CSMD3: variants seen among roughly 807,000 people sequenced by gnomAD.
The protein encoded by CSMD3 is CUB and Sushi multiple domains 3.
In CSMD3, 177 loss-of-function variants were observed where a neutral mutation model predicts 435.2. The ratio of observed to expected loss-of-function variants is 0.41; its 90% CI spans 0.36 to 0.46. The LOEUF is 0.46. CSMD3 is among the 20% of genes least tolerant of loss of function. CSMD3 has a pLI of 0.34. For synonymous variants in CSMD3, 1,656 were observed against 1,520.5 expected, an observed-to-expected ratio of 1.09 and a Z score of -2.07; for missense variants, 4,265 against 4,504.6, an observed-to-expected ratio of 0.95 and a Z score of 1.52.
At chr8:113,191,048 T>C (rs1158935319) in intron 3 of CSMD3, among the ~76,000 whole-genome samples, 1 of 151,832 alleles carries the variant, frequency 6.6e-6, no homozygotes, top group African/African-American at 2.4e-5. Context: ...TAGAAAGTGT[T>C]CTTGATATTA....
intron 9 of CSMD3, among the ~76,000 whole-genome samples, chr8:112,932,896 C>A (rs547719754): frequency 1.2e-4 from 19 of 152,190 alleles, no homozygotes; most frequent in African/African-American, 4.3e-4. Context: ...ATCCAAAATA[C>A]CCTGATTTGA....
chr8:113,276,704 T>G (rs945863440), intron 3 of CSMD3, among the ~76,000 whole-genome samples: 4 of 152,010 alleles, frequency 2.6e-5, no homozygotes, highest in Non-Finnish European at 5.9e-5. Flanking sequence ...ACTGAGATAG[T>G]TTTTTAAGAT....
At chr8:112,295,729 T>C in intron 54 of CSMD3, 104 bp downstream of exon 54, 6 of 962,150 alleles carry the variant, frequency 6.2e-6, no homozygotes, top group African/African-American at 1.6e-5. Flanking sequence ...TTACTTTATA[T>C]TGATATATAT....
chr8:113,352,136 C>A (rs555305864), intron 1 of CSMD3, among the ~76,000 whole-genome samples: 2 of 152,138 alleles, frequency 1.3e-5, no homozygotes, highest in African/African-American at 4.8e-5. Context: ...ATTCTGAGAT[C>A]TACTTAGAAC....
chr8:112,957,831 C>T (rs548647926), intron 7 of CSMD3, among the ~76,000 whole-genome samples: 3 of 152,252 alleles, frequency 2.0e-5, no homozygotes, highest in Non-Finnish European at 2.9e-5. Flanking sequence ...CTGCAACCTC[C>T]GCCTCCCAGG....
chr8:113,075,675 T>G (rs1422623021), intron 5 of CSMD3, among the ~76,000 whole-genome samples: 1 of 151,860 alleles, frequency 6.6e-6, no homozygotes, highest in African/African-American at 2.4e-5. Flanking sequence ...TGATGAAATA[T>G]GCCTATATTA....
At chr8:112,478,456 T>C (rs997126040) in intron 31 of CSMD3, among the ~76,000 whole-genome samples, 3 of 152,162 alleles carry the variant, frequency 2.0e-5, no homozygotes, top group South Asian at 2.1e-4. Context: ...GAGGAAGTCA[T>C]TGGGAATTGG....
At chr8:113,120,047 G>T (rs2090943841) in intron 4 of CSMD3, among the ~76,000 whole-genome samples, 1 of 151,830 alleles carries the variant, frequency 6.6e-6, no homozygotes, top group South Asian at 2.1e-4. Flanking sequence ...TTTACAATTT[G>T]GAAGGCATCA....
In CSMD3 at chr8:113,019,124, G is replaced by A. The variant is rs2086586887; in HGVS notation, c.973C>T (p.Leu325=). The A allele has an allele frequency of 1.9e-6, 3 of 1,613,794 alleles. No individual in the cohort carries two copies. Among genetic ancestry groups the A allele is most frequent in the Non-Finnish European group, 2.5e-6 (3 of 1,179,770 alleles). The stretch of plus-strand genomic sequence containing the variant: ...TGATTGCTGTCTGTAACAAAATGCA[G>A]TCTGAGCCAGTTTTTGTTGCTGATA... ...PIISNKNWLR[L]HFVTDSNHRY... Residue 325 remains leucine (L), a synonymous_variant, in exon 6 of 71, where the codon CTG becomes TTG. Transcript: ENST00000297405.
intron 32 of CSMD3, among the ~76,000 whole-genome samples, chr8:112,462,451 A>G (rs946594624): frequency 2.0e-5 from 3 of 152,202 alleles, no homozygotes; most frequent in African/African-American, 7.2e-5. Context: ...ATTTTCTATA[A>G]CTGCCTTACA....
intron 36 of CSMD3, among the ~76,000 whole-genome samples, chr8:112,385,765 G>A (rs1194303700): frequency 2.6e-5 from 4 of 152,096 alleles, no homozygotes; most frequent in African/African-American, 9.7e-5. Flanking sequence ...TTTCTTTTCT[G>A]TTATTGAGAG....
In CSMD3 at chr8:112,708,101, G is replaced by T. The variant is rs181277819; in HGVS notation, c.1973-18051C>A. Among the ~76,000 whole-genome samples, 98 of 152,170 alleles carry T rather than the reference G, an allele frequency of 6.4e-4. 1 individual carries two copies. The East Asian group carries it at 0.018, about 27-fold the overall frequency. On this transcript the variant is annotated intron_variant, in intron 13 of 70. Transcript: ENST00000297405. ...AAGGTGTTTTAGAAATTCAGAGGGA[G>T]AAAAAGTTATTTTCATGTTGAAACT... is the stretch of plus-strand genomic sequence containing the variant.
intron 1 of CSMD3, among the ~76,000 whole-genome samples, chr8:113,414,578 C>T (rs753710227): frequency 3.5e-5 from 5 of 143,544 alleles, no homozygotes; most frequent in Non-Finnish European, 7.5e-5. Context: ...AATTGAAATA[C>T]TTATTATTTG....
At chr8:113,365,525 T>C (rs561759618) in intron 1 of CSMD3, among the ~76,000 whole-genome samples, 1 of 152,178 alleles carries the variant, frequency 6.6e-6, no homozygotes, top group African/African-American at 2.4e-5. Flanking sequence ...AACTAATATG[T>C]TGTAACAGCA....
intron 22 of CSMD3, among the ~76,000 whole-genome samples, chr8:112,600,997 C>A (rs185629493): frequency 1.9e-4 from 29 of 151,996 alleles, no homozygotes; most frequent in African/African-American, 6.8e-4. Flanking sequence ...TTCTCTAGAC[C>A]CTGTGAAAAC....
chr8:112,711,350 T>C (rs1302251520), intron 13 of CSMD3, among the ~76,000 whole-genome samples: 3 of 152,008 alleles, frequency 2.0e-5, no homozygotes, highest in African/African-American at 7.2e-5. Flanking sequence ...CATTGCGATT[T>C]ACACAAAATC....
intron 10 of CSMD3, among the ~76,000 whole-genome samples, chr8:112,867,997 T>C (rs567469531): frequency 6.6e-6 from 1 of 152,332 alleles, no homozygotes; most frequent in East Asian, 1.9e-4. Flanking sequence ...TGCAAACACA[T>C]TGCACAGCCA....
intron 13 of CSMD3, among the ~76,000 whole-genome samples, chr8:112,786,801 A>C (rs1306190698): frequency 6.6e-6 from 1 of 152,104 alleles, no homozygotes; most frequent in African/African-American, 2.4e-5. Flanking sequence ...GGTTTGTTAC[A>C]TAGGCATACA....
intron 29 of CSMD3, 147 bp downstream of exon 29, chr8:112,506,544 A>G: frequency 2.7e-6 from 2 of 737,856 alleles, no homozygotes; most frequent in Non-Finnish European, 4.4e-6. Flanking sequence ...ACAGTGGCAA[A>G]GCTAGAACAA....
Sources: allele counts gnomAD v4.1 joint callset (sites outside exome capture counted in the v4.1 genomes callset), GRCh38; gene constraint gnomAD v4.1.1; transcripts MANE v1.5; gene names NCBI Gene and HGNC (gene_info 2026-07-23, HGNC 2026-07-21).